The following WDR27 variants were observed in gnomAD, a reference collection of about 807,000 sequenced individuals.
WDR27 encodes WD repeat-containing protein 27.
A neutral mutation model predicts 114.4 loss-of-function variants in WDR27; 100 were observed. That is an observed-to-expected ratio of 0.87 (90% CI 0.74 to 1.03). The LOEUF is 1.03. Ranked by LOEUF, WDR27 falls within the 50% of genes least tolerant of loss-of-function variation. WDR27 has a pLI of 0.00. For missense variants in WDR27, 1,129 were observed against 1,092.9 expected (o/e 1.03, Z -0.47); for synonymous variants, 449 against 423.1 (o/e 1.06, Z -0.75).
intron 13 of WDR27, among the ~76,000 whole-genome samples, chr6:169,656,854 C>T (rs749390033): frequency 6.6e-6 from 1 of 151,258 alleles, no homozygotes; most frequent in Non-Finnish European, 1.5e-5. Context: ...CACCTCCTTA[C>T]AAGGCAGAAG....
chr6:169,433,067 T>C, the WDR27 span, among the ~76,000 whole-genome samples: 1 of 152,214 alleles, frequency 6.6e-6, no homozygotes, highest in East Asian at 1.9e-4. Context: ...ACTGTTGCTA[T>C]GTTTTTTGTT....
At chr6:169,457,734 T>G (rs1784436041) in intron 25 of WDR27, 100 bp from the exon 26 acceptor site, 1 of 884,584 alleles carries the variant, frequency 1.1e-6, no homozygotes, top group Admixed American at 2.5e-5. Flanking sequence ...TCCTTATTTT[T>G]AATGTTCTGG....
chr6:169,680,303 C>T (rs1781154622), intron 2 of WDR27, among the ~76,000 whole-genome samples: 1 of 152,166 alleles, frequency 6.6e-6, no homozygotes, highest in African/African-American at 2.4e-5. Flanking sequence ...AAAGAAAAGG[C>T]CAGGCGCAGT....
intron 25 of WDR27, among the ~76,000 whole-genome samples, chr6:169,565,091 G>C (rs1800253164): frequency 6.6e-6 from 1 of 152,114 alleles, no homozygotes; most frequent in African/African-American, 2.4e-5. Context: ...TCCCGGCCTG[G>C]GAGTGCAGTC....
In WDR27 at chr6:169,662,618, C is replaced by T. The variant is rs1826559901; in HGVS notation, c.905-194G>A. On this transcript the variant is annotated intron_variant, in intron 8 of 25. Transcript: ENST00000448612. ...CCACGGAGTCACTCGGATCACGCGT[C>T]GAGGAAAGCACTAAGGTAACACCCA... Among the ~76,000 whole-genome samples the T allele has an allele frequency of 4.1e-5, 6 of 147,106 alleles. No homozygotes were observed. The Admixed American group carries it at 4.1e-4, about 10-fold the overall frequency.
chr6:169,533,140 G>A (rs1255870246), intron 25 of WDR27, among the ~76,000 whole-genome samples: 2 of 152,148 alleles, frequency 1.3e-5, no homozygotes, highest in African/African-American at 4.8e-5. Context: ...ACATGTGTTA[G>A]ACAGAGCTTC....
chr6:169,434,169 A>G, the WDR27 span, among the ~76,000 whole-genome samples: 1 of 152,268 alleles, frequency 6.6e-6, no homozygotes, highest in East Asian at 1.9e-4. Flanking sequence ...GTCCATGCCT[A>G]TGTCCTCGAT....
chr6:169,636,238 A>G (rs539625716), intron 19 of WDR27, 133 bp downstream of exon 19: 1 of 1,080,620 alleles, frequency 9.3e-7, no homozygotes, highest in East Asian at 2.6e-5. Flanking sequence ...ATTCCCTCTC[A>G]TCAAGAGTTT....
At chr6:169,660,870 G>C (rs917558236) in intron 9 of WDR27, 104 bp from the exon 10 acceptor site, 3 of 942,364 alleles carry the variant, frequency 3.2e-6, no homozygotes, top group Non-Finnish European at 4.6e-6. Flanking sequence ...GCAGGAGTGG[G>C]GAGTGTGGGC....
chr6:169,658,908 C>T (rs1217639352), intron 12 of WDR27, among the ~76,000 whole-genome samples, 178 bp downstream of exon 12: 2 of 152,126 alleles, frequency 1.3e-5, no homozygotes, highest in Non-Finnish European at 2.9e-5. Flanking sequence ...AGGATGGTCT[C>T]GATCTCCTGA....
At chr6:169,623,251 T>G (rs116235437) in intron 21 of WDR27, among the ~76,000 whole-genome samples, 2 of 152,184 alleles carry the variant, frequency 1.3e-5, no homozygotes, top group African/African-American at 4.8e-5. Context: ...CTCCTGATGA[T>G]TTCACCTCTG....
intron 23 of WDR27, among the ~76,000 whole-genome samples, chr6:169,587,288 A>G (rs952650984): frequency 1.4e-5 from 2 of 139,228 alleles, no homozygotes; most frequent in African/African-American, 5.4e-5. Context: ...GTGCAATCTC[A>G]GCTCACTACA....
chr6:169,570,644 C>T (rs1801243836), intron 25 of WDR27, among the ~76,000 whole-genome samples: 1 of 152,150 alleles, frequency 6.6e-6, no homozygotes, highest in African/African-American at 2.4e-5. Flanking sequence ...TCCTGGCCAA[C>T]ATAGTGAAAC....
At chr6:169,455,785 G>T (rs960894115), downstream of WDR27, among the ~76,000 whole-genome samples, 24 of 152,226 alleles carry the variant, frequency 1.6e-4, no homozygotes, top group African/African-American at 5.1e-4. Flanking sequence ...CTATTCTTAT[G>T]CTGCAACCTG....
chr6:169,649,742 C>CCCCT (rs1197162246), intron 14 of WDR27, among the ~76,000 whole-genome samples: 1 of 151,144 alleles, frequency 6.6e-6, no homozygotes, highest in Non-Finnish European at 1.5e-5. Flanking sequence ...CATCCCTCCA[C>CCCCT]CCCTCCCTCC....
chr6:169,621,385 C>T (rs9477998), intron 21 of WDR27, among the ~76,000 whole-genome samples: 109,893 of 151,060 alleles, frequency 0.73, 42,232 homozygotes, highest in Non-Finnish European at 0.87. Flanking sequence ...TGTAGACATA[C>T]GCACACACAT....
At chr6:169,700,500 G>A (rs1203990529) in intron 1 of WDR27, among the ~76,000 whole-genome samples, 1 of 152,184 alleles carries the variant, frequency 6.6e-6, no homozygotes, top group Non-Finnish European at 1.5e-5. Context: ...GTCGTTGAGT[G>A]CCTGGCCCAT....
intron 13 of WDR27, 69 bp downstream of exon 13, chr6:169,658,207 C>T: frequency 8.0e-7 from 1 of 1,255,648 alleles, no homozygotes; most frequent in Non-Finnish European, 1.1e-6. Flanking sequence ...CAAAGCAATG[C>T]AGCAGCCCTA....
At chr6:169,655,441 G>A (rs1823855484) in intron 13 of WDR27, among the ~76,000 whole-genome samples, 1 of 152,214 alleles carries the variant, frequency 6.6e-6, no homozygotes, top group Admixed American at 6.5e-5. Context: ...TGTTAATACT[G>A]AATAAATCGT....
Sources: gnomAD v4.1 joint callset for allele counts (sites outside exome capture counted in the v4.1 genomes callset) on GRCh38, gnomAD v4.1.1 for gene constraint, MANE v1.5 for transcripts, NCBI Gene and HGNC (gene_info 2026-07-23, HGNC 2026-07-21) for gene names.